Variants in SSBP3 observed in about 807,000 individuals in gnomAD.
The protein encoded by SSBP3 is single-stranded DNA-binding protein 3.
SSBP3 carries 5 observed loss-of-function variants against 69.6 expected under a neutral mutation model. The ratio of observed to expected loss-of-function variants is 0.07; its 90% confidence interval spans 0.04 to 0.15. The LOEUF is 0.15. Ranked by LOEUF, SSBP3 falls within the 10% of genes least tolerant of loss-of-function variation. The pLI is 1.00. For missense variants in SSBP3, 312 were observed against 534.0 expected (o/e 0.58, Z 4.10); for synonymous variants, 196 against 193.4 (o/e 1.01, Z -0.11).
At chr1:54,349,481 A>C (rs1253961206) in intron 4 of SSBP3, among the ~76,000 whole-genome samples, 1 of 152,238 alleles carries the variant, frequency 6.6e-6, no homozygotes, top group Non-Finnish European at 1.5e-5. Context: ...GAAGTTATGA[A>C]ACAAGCAGCC....
At chr1:54,264,654 G>A (rs1291473780) in intron 5 of SSBP3, among the ~76,000 whole-genome samples, 4 of 152,234 alleles carry the variant, frequency 2.6e-5, no homozygotes, top group African/African-American at 9.6e-5. Context: ...GCGAGGTGGG[G>A]AGTATAGGCT....
chr1:54,290,193 C>T (rs1645578379), intron 4 of SSBP3, among the ~76,000 whole-genome samples: 1 of 152,214 alleles, frequency 6.6e-6, no homozygotes, highest in African/African-American at 2.4e-5. Flanking sequence ...GGGCCCAGTC[C>T]TTCCATTCAC....
At chr1:54,324,765 A>G (rs1416989640) in intron 4 of SSBP3, among the ~76,000 whole-genome samples, 1 of 152,200 alleles carries the variant, frequency 6.6e-6, no homozygotes, top group Non-Finnish European at 1.5e-5. Flanking sequence ...GCGTCAAGGC[A>G]TCCAGTGGCC....
chr1:54,404,425 A>G, intron 3 of SSBP3, 151 bp downstream of exon 3: 1 of 847,194 alleles, frequency 1.2e-6, no homozygotes, highest in Admixed American at 2.4e-5. Context: ...CTCCTTGGCC[A>G]GCTGGGCCGG....
chr1:54,336,808 C>T (rs1243799030), intron 4 of SSBP3, among the ~76,000 whole-genome samples: 2 of 152,136 alleles, frequency 1.3e-5, no homozygotes, highest in African/African-American at 4.8e-5. Context: ...TGCAGAGGGT[C>T]CCAGAAGGCA....
chr1:54,303,748 G>A (rs750587157), intron 4 of SSBP3, among the ~76,000 whole-genome samples: 12 of 152,084 alleles, frequency 7.9e-5, no homozygotes, highest in African/African-American at 2.9e-4. Flanking sequence ...CATAAAATAC[G>A]TACCAGACTG....
rs562569730 is a variant in SSBP3, at chr1:54,298,660, C to G, written c.277-17133G>C. ...AGGGGTGTGGTGTGGGGCCCAAACA[C>G]CTGCTTTCCATCTCTAGAAGAGAGG... is the stretch of plus-strand genomic sequence containing the variant. On this transcript the variant is annotated intron_variant, in intron 4 of 17. Coordinates refer to ENST00000610401, the Ensembl canonical transcript of SSBP3. Among the ~76,000 whole-genome samples the G allele has an allele frequency of 3.9e-5, 6 of 152,140 alleles. No individual in the cohort carries two copies. The South Asian group carries it at 1.2e-3, about 32-fold the overall frequency.
intron 4 of SSBP3, among the ~76,000 whole-genome samples, chr1:54,362,513 T>C (rs774688097): frequency 7.2e-5 from 11 of 152,322 alleles, no homozygotes; most frequent in Non-Finnish European, 1.2e-4. Flanking sequence ...TGGCCACAGA[T>C]AGTCTACTTG....
chr1:54,380,636 C>T (rs1251149044), intron 4 of SSBP3, among the ~76,000 whole-genome samples: 2 of 152,174 alleles, frequency 1.3e-5, no homozygotes, highest in Admixed American at 6.5e-5. Context: ...CTCTCACCTA[C>T]GGAGGGGTAT....
chr1:54,239,004 T>G, intron 14 of SSBP3, 125 bp downstream of exon 14: 1 of 720,378 alleles, frequency 1.4e-6, no homozygotes, highest in Non-Finnish European at 2.2e-6. Flanking sequence ...TTTCTGACGG[T>G]TTATTTTATT....
chr1:54,390,839 G>A lies in SSBP3; in HGVS notation c.276+11022C>T, dbSNP rs112285924. ...GGGATCTGGCCGGCAGGCGGGCAGC[G>A]CTGCCAAGAGGAAGAGCCTCCAGAG... On this transcript the variant is annotated intron_variant, in intron 4 of 17. Coordinates refer to ENST00000610401, the Ensembl canonical transcript of SSBP3. Among the ~76,000 whole-genome samples, 590 of 152,252 alleles carry A rather than the reference G, an allele frequency of 3.9e-3. 20 individuals are homozygous for A. The South Asian group carries it at 0.041, about 11-fold the overall frequency.
chr1:54,329,991 G>T (rs1002704761), intron 4 of SSBP3, among the ~76,000 whole-genome samples: 3 of 152,138 alleles, frequency 2.0e-5, no homozygotes, highest in Non-Finnish European at 4.4e-5. Flanking sequence ...GACTTTGCAC[G>T]TTCACACCTG....
chr1:54,404,327 A>G (rs1005919371), intron 3 of SSBP3, among the ~76,000 whole-genome samples: 1 of 152,190 alleles, frequency 6.6e-6, no homozygotes, highest in Admixed American at 6.5e-5. Context: ...GTGAAATGTA[A>G]AAGTAAGGAG....
intron 7 of SSBP3, chr1:54,255,640 T>G (rs965636000): frequency 6.6e-6 from 1 of 152,180 alleles, no homozygotes; most frequent in African/African-American, 2.4e-5. Context: ...TCCCTTCTTT[T>G]GCTCAAAAAG....
At chr1:54,310,740 C>CA (rs1645987019) in intron 4 of SSBP3, among the ~76,000 whole-genome samples, 1 of 152,216 alleles carries the variant, frequency 6.6e-6, no homozygotes, top group Admixed American at 6.5e-5. Context: ...TCTGTGCTTC[C>CA]ACTCACCACT....
chr1:54,252,184 C>T lies in SSBP3; in HGVS notation c.508-324G>A, dbSNP rs78466682. 5.6e-3 allele frequency among the ~76,000 whole-genome samples: 855 copies of T among 152,302 alleles called. 6 individuals are homozygous for T. The highest frequency in any genetic ancestry group is 0.019 in the African/African-American group (797 of 41,558). On this transcript the variant is annotated intron_variant, in intron 7 of 17. Coordinates refer to ENST00000610401, the Ensembl canonical transcript of SSBP3. ...AGGAGACCAAGTTCTCTAGGTCTTG[C>T]TCTGGCTGTAGCACCAACCACCTTC...
At chr1:54,243,058 C>T in intron 10 of SSBP3, 177 bp downstream of exon 10, 1 of 663,030 alleles carries the variant, frequency 1.5e-6, no homozygotes, top group Admixed American at 2.5e-5. Context: ...CACAGAGGCA[C>T]TCTATGAGGC....
intron 4 of SSBP3, among the ~76,000 whole-genome samples, chr1:54,331,718 C>A (rs1309758748): frequency 6.6e-6 from 1 of 152,190 alleles, no homozygotes; most frequent in African/African-American, 2.4e-5. Flanking sequence ...GGATGGTCAC[C>A]AAAAAGGAAG....
chr1:54,279,953 C>T (rs576058721), intron 5 of SSBP3, among the ~76,000 whole-genome samples: 1 of 152,360 alleles, frequency 6.6e-6, no homozygotes, highest in South Asian at 2.1e-4. Context: ...CCAGTCCAAC[C>T]TGGAGCTCAC....
Sources: allele counts gnomAD v4.1 joint callset (sites outside exome capture counted in the v4.1 genomes callset), GRCh38; gene constraint gnomAD v4.1.1; transcripts MANE v1.5; gene names NCBI Gene and HGNC (gene_info 2026-07-23, HGNC 2026-07-21).